Variants in FAM13B observed in about 807,000 individuals in gnomAD.
FAM13B encodes protein FAM13B.
FAM13B carries 60 observed loss-of-function variants against 117.3 expected under a neutral mutation model. The ratio of observed to expected loss-of-function variants is 0.51; its 90% CI spans 0.42 to 0.63. The LOEUF (loss-of-function observed/expected upper bound fraction) is 0.63. Among genes scored for constraint, FAM13B ranks in the 30% least tolerant of loss-of-function variants. The pLI, the probability that FAM13B is intolerant of heterozygous loss-of-function variation, is 0.00. For missense variants in FAM13B, 972 were observed against 1,091.9 expected (o/e 0.89, Z 1.55); for synonymous variants, 332 against 356.1 (o/e 0.93, Z 0.76).
At chr5:137,959,805 C>T in intron 12 of FAM13B, 42 bp from the exon 13 acceptor site, 1 of 1,591,880 alleles carries the variant, frequency 6.3e-7, no homozygotes, top group Non-Finnish European at 8.6e-7. Context: ...ACTACGGAAG[C>T]TTTTCACACC....
chr5:138,004,771 A>G (rs1210560063), intron 7 of FAM13B, among the ~76,000 whole-genome samples: 1 of 151,922 alleles, frequency 6.6e-6, no homozygotes, highest in Admixed American at 6.6e-5. Context: ...TCCCAGCTAC[A>G]CAGGAGGCTG....
At chr5:138,003,316 A>G (rs1474908195) in intron 7 of FAM13B, among the ~76,000 whole-genome samples, 1 of 152,190 alleles carries the variant, frequency 6.6e-6, no homozygotes, top group African/African-American at 2.4e-5. Context: ...TTTCATAAAT[A>G]AATAAATGTC....
intron 10 of FAM13B, among the ~76,000 whole-genome samples, chr5:137,973,320 C>G (rs1772878344): frequency 6.6e-6 from 1 of 152,130 alleles, no homozygotes. Flanking sequence ...CTACAACTAT[C>G]TGATCTTTGA....
At chr5:137,997,799 A>T (rs1365980161) in intron 7 of FAM13B, among the ~76,000 whole-genome samples, 1 of 152,246 alleles carries the variant, frequency 6.6e-6, no homozygotes, top group Non-Finnish European at 1.5e-5. Context: ...TAAACCTGAG[A>T]GTCTTCAAAA....
chr5:137,979,793 T>C (rs1775105038), intron 10 of FAM13B, among the ~76,000 whole-genome samples: 1 of 152,314 alleles, frequency 6.6e-6, no homozygotes. Flanking sequence ...TGCAAGACTA[T>C]AGTGCCCTAA....
intron 1 of FAM13B, among the ~76,000 whole-genome samples, chr5:138,040,801 C>T (rs996007649): frequency 1.3e-5 from 2 of 151,256 alleles, no homozygotes; most frequent in Admixed American, 1.3e-4. Context: ...CAGTGGCTCA[C>T]GCCTGTAATC....
intron 7 of FAM13B, among the ~76,000 whole-genome samples, chr5:137,997,960 A>G (rs1207975649): frequency 6.6e-6 from 1 of 152,238 alleles, no homozygotes; most frequent in Non-Finnish European, 1.5e-5. Flanking sequence ...CTGAAACCCA[A>G]TGTCAACAGT....
intron 10 of FAM13B, among the ~76,000 whole-genome samples, chr5:137,976,892 G>A (rs1164511739): frequency 6.6e-6 from 1 of 152,064 alleles, no homozygotes; most frequent in East Asian, 1.9e-4. Flanking sequence ...TATGAAATCT[G>A]GGCACCTTGA....
intron 10 of FAM13B, 89 bp downstream of exon 10, chr5:137,985,168 C>A: frequency 7.6e-7 from 1 of 1,321,836 alleles, no homozygotes; most frequent in Admixed American, 2.1e-5. Context: ...AGTGTATCAG[C>A]AAAATACTGA....
intron 1 of FAM13B, among the ~76,000 whole-genome samples, chr5:138,028,755 C>T (rs1268658949): frequency 2.6e-5 from 4 of 152,320 alleles, no homozygotes; most frequent in East Asian, 1.9e-4. Context: ...CAGTGGCTCA[C>T]GCCTATAAAT....
At chr5:138,036,742 T>C (rs1158759015), upstream of FAM13B, 4 of 368,100 alleles carry the variant, frequency 1.1e-5, no homozygotes, top group Non-Finnish European at 2.1e-5. Context: ...TTTTGGTGGA[T>C]GGAGGGAAGA....
At chr5:138,036,933 T>C (rs1791223024), upstream of FAM13B, 3 of 310,106 alleles carry the variant, frequency 9.7e-6, no homozygotes, top group Non-Finnish European at 1.9e-5. Context: ...AGAGGTGCTA[T>C]TGGCTGGTGG....
intron 10 of FAM13B, among the ~76,000 whole-genome samples, chr5:137,975,548 C>T (rs2150447121): frequency 6.6e-6 from 1 of 152,278 alleles, no homozygotes; most frequent in Middle Eastern, 3.4e-3. Context: ...CACAGAGACT[C>T]CTGCAAAACT....
At position 137,987,632 on chromosome 5, in the gene FAM13B, T is replaced by C. The variant is rs766436747; in HGVS notation, c.891-16A>G. The C allele has an allele frequency of 6.2e-7, 1 of 1,603,080 alleles. No individual in the cohort carries two copies. Among genetic ancestry groups the C allele is most frequent in the Non-Finnish European group, 8.5e-7 (1 of 1,174,478 alleles). On this transcript the variant is annotated splice_polypyrimidine_tract_variant and intron_variant, in intron 8 of 23. Coordinates refer to ENST00000689681, the MANE Select transcript of FAM13B (RefSeq NM_001385994.1). ...TTCTAAAATACTACAAAACAACACG[T>C]TTTAGTAAGAAGCAGTCACTCTAAC...
At chr5:138,025,464 C>T (rs940406554) in intron 1 of FAM13B, among the ~76,000 whole-genome samples, 2 of 151,662 alleles carry the variant, frequency 1.3e-5, no homozygotes, top group Non-Finnish European at 2.9e-5. Flanking sequence ...TGAGTCACTA[C>T]TCCCGGCTCA....
intron 1 of FAM13B, among the ~76,000 whole-genome samples, chr5:138,049,531 C>G (rs966710334): frequency 6.6e-6 from 1 of 152,002 alleles, no homozygotes; most frequent in Non-Finnish European, 1.5e-5. Flanking sequence ...CCTCTTCCTC[C>G]CAAAGTGCTG....
At chr5:137,957,482 GT>G (rs2150260118) in intron 13 of FAM13B, among the ~76,000 whole-genome samples, 1 of 150,246 alleles carries the variant, frequency 6.7e-6, no homozygotes, top group South Asian at 2.1e-4. Flanking sequence ...GGAAGTTGCG[GT>G]GAGCTGAGAT....
intron 10 of FAM13B, among the ~76,000 whole-genome samples, chr5:137,973,190 A>G (rs1489547002): frequency 6.6e-6 from 1 of 152,198 alleles, no homozygotes; most frequent in Non-Finnish European, 1.5e-5. Flanking sequence ...GAGGCATCAC[A>G]CTACCTGACT....
In FAM13B at chr5:137,938,043, A is replaced by G. The variant is rs564354919; in HGVS notation, c.*2182T>C. On this transcript the variant is annotated 3_prime_UTR_variant, in exon 24 of 24. Transcript: ENST00000689681. ...AATGCCATTATACTGGTGGACATATATATCTATATATTATTTGTATATAGA... is the reference window on the plus strand; with the variant it reads ...AATGCCATTATACTGGTGGACATATGTATCTATATATTATTTGTATATAGA... The G allele has an allele frequency of 1.3e-5, 2 of 152,260 alleles. No individual in the cohort carries two copies. Among genetic ancestry groups the G allele is most frequent in the Admixed American group, 1.3e-4 (2 of 15,294 alleles). 9.4% of individuals were successfully genotyped at this position (152,260 alleles called of 1,614,324 possible). A position where few individuals can be genotyped will look rare whatever the true frequency, so the allele number is the denominator to read the frequency against.
Sources: gnomAD v4.1 joint callset for allele counts (sites outside exome capture counted in the v4.1 genomes callset) on GRCh38, gnomAD v4.1.1 for gene constraint, MANE v1.5 for transcripts, NCBI Gene and HGNC (gene_info 2026-07-23, HGNC 2026-07-21) for gene names.